Variants in MYRIP observed in about 807,000 individuals in gnomAD.
MYRIP encodes rab effector MyRIP.
A neutral mutation model predicts 98.0 loss-of-function variants in MYRIP; 49 were observed. The observed-to-expected ratio is 0.50, with a 90% CI of 0.40 to 0.63. The LOEUF (loss-of-function observed/expected upper bound fraction) is 0.63, where lower values mean the gene tolerates loss of function less well. Among genes scored for constraint, MYRIP ranks in the 30% least tolerant of loss-of-function variants. The pLI is 0.00. For missense variants in MYRIP, 1,004 were observed against 1,058.2 expected (o/e 0.95, Z 0.71); for synonymous variants, 404 against 409.5 (o/e 0.99, Z 0.16).
intron 4 of MYRIP, among the ~76,000 whole-genome samples, chr3:40,153,442 G>A: frequency 6.6e-6 from 1 of 152,180 alleles, no homozygotes; most frequent in Non-Finnish European, 1.5e-5. Context: ...ACCCTTTGTA[G>A]GTTTGTCATC....
intron 3 of MYRIP, among the ~76,000 whole-genome samples, chr3:40,090,435 T>C (rs897791247): frequency 2.6e-5 from 4 of 152,156 alleles, no homozygotes; most frequent in Non-Finnish European, 5.9e-5. Context: ...ATATGACAAG[T>C]GACCATCTGG....
chr3:39,869,521 T>C (rs9868017), intron 1 of MYRIP, among the ~76,000 whole-genome samples: 95,756 of 152,064 alleles, frequency 0.63, 31,302 homozygotes, highest in African/African-American at 0.82. Context: ...TTTATAATAA[T>C]TTATTTAAAG....
chr3:39,887,793 G>C (rs138258976), intron 1 of MYRIP, among the ~76,000 whole-genome samples: 3,680 of 152,088 alleles, frequency 0.024, 105 homozygotes, highest in East Asian at 0.089. Flanking sequence ...TGTCTCAGCC[G>C]AAAATCTCCT....
At chr3:39,868,933 C>G (rs1161838476) in intron 1 of MYRIP, among the ~76,000 whole-genome samples, 1 of 152,174 alleles carries the variant, frequency 6.6e-6, no homozygotes, top group Non-Finnish European at 1.5e-5. Flanking sequence ...TTGAGGATCA[C>G]TTGTATGTGA....
chr3:39,913,196 A>C (rs1944069251), intron 2 of MYRIP, among the ~76,000 whole-genome samples: 1 of 152,202 alleles, frequency 6.6e-6, no homozygotes, highest in African/African-American at 2.4e-5. Context: ...ATTTTTCACA[A>C]ATATTAAAAG....
At chr3:40,182,538 T>G (rs1438295660) in intron 9 of MYRIP, among the ~76,000 whole-genome samples, 165 bp downstream of exon 9, 1 of 152,176 alleles carries the variant, frequency 6.6e-6, no homozygotes, top group Non-Finnish European at 1.5e-5. Context: ...ACACACAATA[T>G]ATAATGTGGT....
intron 3 of MYRIP, among the ~76,000 whole-genome samples, chr3:40,086,533 C>T (rs1037950410): frequency 1.3e-5 from 2 of 152,192 alleles, no homozygotes; most frequent in South Asian, 2.1e-4. Context: ...TGCTGCTCTT[C>T]GCCAGGTTTC....
chr3:40,224,637 GAACTA>G (rs1322045669), intron 11 of MYRIP, among the ~76,000 whole-genome samples: 1 of 152,130 alleles, frequency 6.6e-6, no homozygotes, highest in Non-Finnish European at 1.5e-5. Context: ...GAGATCATTG[GAACTA>G]AACTACAAAT....
intron 1 of MYRIP, among the ~76,000 whole-genome samples, chr3:39,874,283 C>T (rs1942905969): frequency 6.6e-6 from 1 of 152,054 alleles, no homozygotes; most frequent in Non-Finnish European, 1.5e-5. Flanking sequence ...ATGTCATCTG[C>T]AAACAGGGAC....
intron 8 of MYRIP, among the ~76,000 whole-genome samples, chr3:40,175,590 G>A (rs1194425159): frequency 6.6e-6 from 1 of 152,230 alleles, no homozygotes; most frequent in Non-Finnish European, 1.5e-5. Flanking sequence ...CCCTTGGGCA[G>A]GAACCCTCTC....
At chr3:40,154,628 G>A (rs140413360) in intron 4 of MYRIP, among the ~76,000 whole-genome samples, 6 of 152,222 alleles carry the variant, frequency 3.9e-5, no homozygotes, top group Non-Finnish European at 7.3e-5. Flanking sequence ...TGCCATGGTG[G>A]TTTTCTGCAC....
intron 3 of MYRIP, among the ~76,000 whole-genome samples, chr3:40,103,133 G>A (rs190516720): frequency 1.3e-4 from 20 of 152,040 alleles, no homozygotes; most frequent in Admixed American, 9.2e-4. Context: ...TCACATTCAA[G>A]GCCTTCAGCA....
intron 2 of MYRIP, among the ~76,000 whole-genome samples, chr3:39,980,308 T>G (rs1218887281): frequency 6.6e-6 from 1 of 152,196 alleles, no homozygotes; most frequent in African/African-American, 2.4e-5. Flanking sequence ...CTTTCATAGT[T>G]GTTCCCCCAT....
intron 3 of MYRIP, among the ~76,000 whole-genome samples, chr3:40,136,872 A>G (rs563951853): frequency 8.5e-5 from 13 of 152,332 alleles, no homozygotes; most frequent in East Asian, 3.9e-4. Context: ...TCTCTGGGAC[A>G]CATTCAAAGC....
At chr3:39,932,315 C>G (rs1160613789) in intron 2 of MYRIP, among the ~76,000 whole-genome samples, 1 of 152,080 alleles carries the variant, frequency 6.6e-6, no homozygotes, top group Non-Finnish European at 1.5e-5. Flanking sequence ...GAAGATGCCT[C>G]CAAAGTGGAA....
chr3:40,056,117 G>A (rs182844174), intron 3 of MYRIP, among the ~76,000 whole-genome samples: 23 of 152,306 alleles, frequency 1.5e-4, no homozygotes, highest in South Asian at 1.2e-3. Context: ...GAGCTTGTGT[G>A]GTTCTTTGAA....
chr3:40,075,387 A>G (rs1449337662), intron 3 of MYRIP, among the ~76,000 whole-genome samples: 2 of 152,226 alleles, frequency 1.3e-5, no homozygotes, highest in African/African-American at 4.8e-5. Context: ...AAAAATTAAG[A>G]CATCCATTCC....
intron 11 of MYRIP, among the ~76,000 whole-genome samples, chr3:40,226,159 G>C: frequency 6.6e-6 from 1 of 152,118 alleles, no homozygotes. Flanking sequence ...AATGACTCAG[G>C]TGCTATTCCA....
At chr3:40,212,184 A>ATGTGTATATACATATATATACGTG (rs1951965258) in intron 11 of MYRIP, among the ~76,000 whole-genome samples, 1 of 8,048 alleles carries the variant, frequency 1.2e-4, no homozygotes, top group African/African-American at 2.9e-4. Context: ...ATATACGTGT[A>ATGTGTATATACATATATATACGTG]TGTGTATATA....
Sources: allele counts gnomAD v4.1 joint callset (sites outside exome capture counted in the v4.1 genomes callset), GRCh38; gene constraint gnomAD v4.1.1; transcripts MANE v1.5; gene names NCBI Gene and HGNC (gene_info 2026-07-23, HGNC 2026-07-21).